Variants in GSAP observed in about 807,000 individuals in gnomAD.
The protein encoded by GSAP is gamma-secretase activating protein.
GSAP carries 118 observed loss-of-function variants against 131.7 expected under a neutral mutation model. That is an observed-to-expected ratio of 0.90 (90% CI 0.77 to 1.04). GSAP has a LOEUF of 1.04. Ranked by LOEUF, GSAP falls within the 50% of genes least tolerant of loss-of-function variation. The pLI, the probability that GSAP is intolerant of heterozygous loss-of-function variation, is 0.00. For synonymous variants in GSAP, 381 were observed against 363.4 expected (o/e 1.05, Z -0.55); for missense variants, 1,019 against 1,013.2 (o/e 1.01, Z -0.08).
At chr7:77,412,050 A>G (rs113889592) in intron 1 of GSAP, among the ~76,000 whole-genome samples, 6 of 152,278 alleles carry the variant, frequency 3.9e-5, no homozygotes, top group African/African-American at 1.4e-4. Context: ...GTGGCAGCAT[A>G]TGCCCGTAAT....
intron 19 of GSAP, among the ~76,000 whole-genome samples, chr7:77,348,551 C>T (rs180857339): frequency 3.2e-4 from 49 of 152,296 alleles, no homozygotes; most frequent in African/African-American, 9.6e-4. Flanking sequence ...AAATAAAAGG[C>T]GTCAGCACCC....
chr7:77,354,162 G>GT (rs1251841538), intron 16 of GSAP, among the ~76,000 whole-genome samples: 1 of 152,164 alleles, frequency 6.6e-6, no homozygotes, highest in East Asian at 1.9e-4. Flanking sequence ...CTAGAGGAAT[G>GT]TTTTCCATCT....
At chr7:77,311,988 A>G (rs757292697) in intron 29 of GSAP, 48 bp from the exon 30 acceptor site, 2 of 1,262,820 alleles carry the variant, frequency 1.6e-6, no homozygotes, top group Admixed American at 1.7e-5. Flanking sequence ...CACAATAAGC[A>G]CAATTTTAAA....
At chr7:77,346,860 T>C (rs1210297136) in intron 19 of GSAP, among the ~76,000 whole-genome samples, 1 of 109,912 alleles carries the variant, frequency 9.1e-6, no homozygotes, top group Non-Finnish European at 1.7e-5. Flanking sequence ...GGACCAGGAC[T>C]AGTCTCGGGA....
At chr7:77,364,272 T>C (rs920229269) in intron 12 of GSAP, among the ~76,000 whole-genome samples, 5 of 152,150 alleles carry the variant, frequency 3.3e-5, no homozygotes, top group Admixed American at 3.3e-4. Context: ...GTAATTCTTT[T>C]AGGATTCTAT....
intron 14 of GSAP, among the ~76,000 whole-genome samples, chr7:77,360,075 T>C (rs6968288): frequency 0.32 from 49,373 of 152,056 alleles, 9,345 homozygotes; most frequent in African/African-American, 0.52. Context: ...TTGCACTCTC[T>C]CAAACATGCA....
intron 19 of GSAP, among the ~76,000 whole-genome samples, chr7:77,341,371 T>G (rs978858727): frequency 3.9e-5 from 6 of 152,054 alleles, no homozygotes; most frequent in Admixed American, 6.6e-5. Flanking sequence ...AGGTCCCAAT[T>G]CTTCTTCAGC....
At chr7:77,339,518 A>G (rs1790564945) in intron 19 of GSAP, among the ~76,000 whole-genome samples, 1 of 152,190 alleles carries the variant, frequency 6.6e-6, no homozygotes, top group Admixed American at 6.5e-5. Flanking sequence ...ACTTGTCCTC[A>G]GTATTAATAA....
intron 20 of GSAP, 151 bp from the exon 21 acceptor site, chr7:77,329,542 TAAGA>T (rs1193735584): frequency 2.4e-6 from 1 of 420,448 alleles, no homozygotes; most frequent in African/African-American, 2.1e-5. Flanking sequence ...TTTAAAGTTT[TAAGA>T]AATATTTTAT....
chr7:77,329,465 G>A lies in GSAP; in HGVS notation c.1675-74C>T, dbSNP rs1287439173. 5.6e-6 allele frequency: 4 copies of A among 711,710 alleles called. No homozygotes were observed. The African/African-American group carries it at 7.2e-5, about 13-fold the overall frequency. 44.1% of individuals were successfully genotyped at this position (711,710 alleles called of 1,614,324 possible). On this transcript the variant is annotated intron_variant, in intron 20 of 30. Coordinates refer to ENST00000257626, the MANE Select transcript of GSAP (RefSeq NM_017439.4). ...TGACTTTTCACGTCAAGGATATAAT[G>A]CAATACAGTTAAGAGCATCAGAGAG...
chr7:77,320,400 A>G (rs1002249204), intron 26 of GSAP, among the ~76,000 whole-genome samples: 1 of 152,196 alleles, frequency 6.6e-6, no homozygotes, highest in African/African-American at 2.4e-5. Flanking sequence ...GTTAATCTTC[A>G]GACATCTCAA....
intron 5 of GSAP, among the ~76,000 whole-genome samples, chr7:77,394,877 G>A (rs550152235): frequency 2.0e-5 from 3 of 152,340 alleles, no homozygotes; most frequent in African/African-American, 7.2e-5. Context: ...CACAGGTAGG[G>A]CAGCTGAGGC....
At chr7:77,324,732 C>T (rs910612173) in intron 23 of GSAP, among the ~76,000 whole-genome samples, 1 of 151,844 alleles carries the variant, frequency 6.6e-6, no homozygotes, top group Non-Finnish European at 1.5e-5. Context: ...CACCCATAAT[C>T]CTACCACCCA....
intron 24 of GSAP, among the ~76,000 whole-genome samples, chr7:77,321,944 G>T (rs577695205): frequency 6.6e-6 from 1 of 152,338 alleles, no homozygotes; most frequent in South Asian, 2.1e-4. Context: ...GTTTTTGTAA[G>T]AATTGGTTAG....
At chr7:77,311,597 G>A (rs1390995103) in intron 30 of GSAP, 148 bp from the exon 31 acceptor site, 4 of 598,250 alleles carry the variant, frequency 6.7e-6, no homozygotes, top group Non-Finnish European at 1.2e-5. Context: ...TTAAACTTCA[G>A]CACCAAGAAC....
At chr7:77,388,905 A>G (rs1049706503) in intron 5 of GSAP, among the ~76,000 whole-genome samples, 10 of 152,254 alleles carry the variant, frequency 6.6e-5, no homozygotes, top group Non-Finnish European at 1.3e-4. Context: ...TAATATACAT[A>G]CTACAGAACA....
At chr7:77,397,293 T>C (rs1473546670) in intron 4 of GSAP, 53 bp downstream of exon 4, 11 of 1,058,326 alleles carry the variant, frequency 1.0e-5, no homozygotes, top group South Asian at 4.1e-5. Flanking sequence ...ACTTTGAAAC[T>C]CTTGAAAGAT....
At chr7:77,412,854 C>A (rs1040073852) in intron 1 of GSAP, among the ~76,000 whole-genome samples, 1 of 151,826 alleles carries the variant, frequency 6.6e-6, no homozygotes, top group Non-Finnish European at 1.5e-5. Flanking sequence ...CATTTCCACA[C>A]CACAAATCAG....
chr7:77,392,993 T>C (rs922957241), intron 5 of GSAP, among the ~76,000 whole-genome samples: 18 of 152,078 alleles, frequency 1.2e-4, no homozygotes, highest in African/African-American at 4.3e-4. Context: ...CCTGGTTTCC[T>C]ATGGAAGTCC....
Sources: allele counts gnomAD v4.1 joint callset (sites outside exome capture counted in the v4.1 genomes callset), GRCh38; gene constraint gnomAD v4.1.1; transcripts MANE v1.5; gene names NCBI Gene and HGNC (gene_info 2026-07-23, HGNC 2026-07-21).